The following DLG2 variants were observed in gnomAD, a reference collection of about 807,000 sequenced individuals.
DLG2 encodes the protein disks large homolog 2.
In DLG2, 45 loss-of-function variants were observed where a neutral mutation model predicts 132.5. The ratio of observed to expected loss-of-function variants is 0.34; its 90% CI spans 0.27 to 0.44. The LOEUF is 0.44. Among genes scored for constraint, DLG2 ranks in the 20% least tolerant of loss-of-function variants. The pLI is 1.00. For missense variants in DLG2, 1,045 were observed against 1,196.9 expected, an observed-to-expected ratio of 0.87 and a Z score of 1.87; for synonymous variants, 424 against 419.6, an observed-to-expected ratio of 1.01 and a Z score of -0.13.
At position 84,727,693 on chromosome 11, in the gene DLG2, T is replaced by C. The variant is rs1408721048; in HGVS notation, c.358-192962A>G. 2.6e-5 allele frequency among the ~76,000 whole-genome samples: 4 copies of C among 152,290 alleles called. No homozygotes were observed. The South Asian group carries it at 8.3e-4, about 32-fold the overall frequency. On this transcript the variant is annotated intron_variant, in intron 6 of 27. Coordinates refer to ENST00000376104, the MANE Select transcript of DLG2 (RefSeq NM_001142699.3). ...AATCTATAAATTACTTTGGGCAGTA[T>C]GGCCATTTTCCCAATATTGATTAAT...
intron 6 of DLG2, among the ~76,000 whole-genome samples, chr11:85,098,646 A>T (rs1289004283): frequency 6.6e-6 from 1 of 152,228 alleles, no homozygotes. Context: ...AAGTATTAGC[A>T]TCTTTAAAGA....
chr11:85,416,649 G>A (rs924806152), intron 3 of DLG2, among the ~76,000 whole-genome samples: 1 of 152,070 alleles, frequency 6.6e-6, no homozygotes, highest in Admixed American at 6.6e-5. Flanking sequence ...CCTTGAAGAG[G>A]TCCTTCCCGT....
intron 6 of DLG2, among the ~76,000 whole-genome samples, chr11:85,016,902 A>G (rs1429474989): frequency 6.6e-6 from 1 of 151,776 alleles, no homozygotes; most frequent in East Asian, 1.9e-4. Context: ...GCCTTTTCCT[A>G]CTCTCTTCTG....
At chr11:85,469,714 T>G (rs560505823) in intron 3 of DLG2, 6 of 152,376 alleles carry the variant, frequency 3.9e-5, no homozygotes, top group African/African-American at 1.2e-4. Context: ...ACTTCGCCAT[T>G]TCAGCATCCT....
chr11:85,004,428 G>A (rs189924529), intron 6 of DLG2, among the ~76,000 whole-genome samples: 1 of 152,226 alleles, frequency 6.6e-6, no homozygotes, highest in Admixed American at 6.5e-5. Flanking sequence ...GGTGTGAGAT[G>A]GTGTCTCATT....
chr11:84,457,568 G>C (rs2099068676), intron 7 of DLG2, among the ~76,000 whole-genome samples: 1 of 150,924 alleles, frequency 6.6e-6, no homozygotes, highest in African/African-American at 2.4e-5. Flanking sequence ...AGGGATTTTA[G>C]TAAGCTTTCA....
At chr11:84,276,488 G>A (rs1177210245) in intron 7 of DLG2, among the ~76,000 whole-genome samples, 1 of 152,170 alleles carries the variant, frequency 6.6e-6, no homozygotes, top group East Asian at 1.9e-4. Context: ...GCCAAGAACT[G>A]TGCTAGAAAT....
Position 85,356,193 on chromosome 11 carries a change from A to C in DLG2, c.41-70828T>G, listed in dbSNP as rs576681215. Among the ~76,000 whole-genome samples the C allele has an allele frequency of 5.2e-4, 79 of 152,200 alleles. 1 individual carries two copies. The highest frequency in any genetic ancestry group is 3.4e-3 in the Middle Eastern group (1 of 294). ...TTCTGGGAAATCATTCTCTAAATAC[A>C]CAGTCTTCATCTTCAGCTGCTATAG... On this transcript the variant is annotated intron_variant, in intron 3 of 27. Coordinates refer to ENST00000376104, the MANE Select transcript of DLG2 (RefSeq NM_001142699.3).
At chr11:83,775,597 T>G (rs2094549228) in intron 18 of DLG2, among the ~76,000 whole-genome samples, 1 of 152,238 alleles carries the variant, frequency 6.6e-6, no homozygotes, top group African/African-American at 2.4e-5. Context: ...TCTCTTCTTG[T>G]AACCATGTCC....
chr11:84,642,558 A>C (rs549219321), intron 6 of DLG2, among the ~76,000 whole-genome samples: 1 of 152,290 alleles, frequency 6.6e-6, no homozygotes, highest in East Asian at 1.9e-4. Flanking sequence ...AAACAATAAG[A>C]GTGCCTGCCT....
chr11:83,582,757 T>C (rs140063800), intron 19 of DLG2, among the ~76,000 whole-genome samples: 1 of 152,190 alleles, frequency 6.6e-6, no homozygotes, highest in African/African-American at 2.4e-5. Flanking sequence ...ACAGGAAGCA[T>C]ACAAATATCT....
intron 21 of DLG2, among the ~76,000 whole-genome samples, chr11:83,503,425 A>T (rs1257132770): frequency 1.7e-5 from 2 of 115,768 alleles, no homozygotes; most frequent in Admixed American, 1.8e-4. Context: ...ATATATATAG[A>T]TAGATCTAAT....
intron 7 of DLG2, among the ~76,000 whole-genome samples, chr11:84,308,486 C>T (rs929299319): frequency 1.3e-5 from 2 of 152,232 alleles, no homozygotes; most frequent in Non-Finnish European, 2.9e-5. Flanking sequence ...CAGCTGGCTT[C>T]ACCCAGTGGA....
At chr11:85,419,201 T>C (rs564218003) in intron 3 of DLG2, among the ~76,000 whole-genome samples, 3 of 152,336 alleles carry the variant, frequency 2.0e-5, no homozygotes, top group South Asian at 2.1e-4. Context: ...TGGCTACATA[T>C]GAAATTCTGG....
At chr11:83,590,868 T>C (rs1007508761) in intron 19 of DLG2, among the ~76,000 whole-genome samples, 12 of 151,346 alleles carry the variant, frequency 7.9e-5, no homozygotes, top group South Asian at 4.2e-4. Context: ...AACACCTCTA[T>C]GCAAATAAAC....
At chr11:85,617,286 C>T (rs1330987202) in intron 2 of DLG2, among the ~76,000 whole-genome samples, 1 of 152,122 alleles carries the variant, frequency 6.6e-6, no homozygotes. Flanking sequence ...GGCCAAAAAA[C>T]AAGAAAAATA....
At chr11:84,863,992 CTG>C (rs527748034) in intron 6 of DLG2, among the ~76,000 whole-genome samples, 56 of 152,182 alleles carry the variant, frequency 3.7e-4, no homozygotes, top group African/African-American at 1.3e-3. Flanking sequence ...TCTTTATAAA[CTG>C]TGAAGTTTCA....
chr11:84,389,962 G>A (rs2098786412), intron 7 of DLG2, among the ~76,000 whole-genome samples: 1 of 152,120 alleles, frequency 6.6e-6, no homozygotes, highest in South Asian at 2.1e-4. Context: ...ACTTGATTAT[G>A]ACTTAGCAGT....
intron 3 of DLG2, among the ~76,000 whole-genome samples, chr11:85,464,836 A>G (rs2092727827): frequency 6.6e-6 from 1 of 151,690 alleles, no homozygotes; most frequent in African/African-American, 2.4e-5. Flanking sequence ...GCACTTTGGG[A>G]GGCCGAGGCA....
Sources: allele counts gnomAD v4.1 joint callset (sites outside exome capture counted in the v4.1 genomes callset), GRCh38; gene constraint gnomAD v4.1.1; transcripts MANE v1.5; gene names NCBI Gene and HGNC (gene_info 2026-07-23, HGNC 2026-07-21).